WWOX: variants seen among roughly 807,000 people sequenced by gnomAD.
The protein encoded by WWOX is WW domain containing oxidoreductase, also known as WW domain-containing oxidoreductase.
WWOX carries 69 observed loss-of-function variants against 46.2 expected under a neutral mutation model. The observed-to-expected ratio is 1.49, with a 90% CI of 1.23 to 1.82. The LOEUF is 1.82. Among genes scored for constraint, WWOX ranks in the 40% most tolerant of loss-of-function variants. The pLI, the probability that WWOX is intolerant of heterozygous loss-of-function variation, is 0.00. For missense variants in WWOX, 919 were observed against 542.6 expected (o/e 1.69, Z -6.89); for synonymous variants, 359 against 202.6 (o/e 1.77, Z -6.56).
intron 8 of WWOX, among the ~76,000 whole-genome samples, chr16:78,838,679 T>C (rs1425056200): frequency 1.3e-5 from 2 of 151,994 alleles, no homozygotes; most frequent in African/African-American, 4.8e-5. Context: ...CCATCTCTAC[T>C]AAAAATACAA....
chr16:78,403,611 C>G (rs2082461803), intron 6 of WWOX, among the ~76,000 whole-genome samples: 1 of 151,868 alleles, frequency 6.6e-6, no homozygotes. Context: ...TTCAGGAGGC[C>G]CAGGTATTAT....
chr16:78,649,772 C>T (rs923239263), intron 8 of WWOX, among the ~76,000 whole-genome samples: 1 of 152,184 alleles, frequency 6.6e-6, no homozygotes, highest in Non-Finnish European at 1.5e-5. Flanking sequence ...TCTCATTTAA[C>T]CCTTAGGAAA....
intron 8 of WWOX, among the ~76,000 whole-genome samples, chr16:78,713,971 C>A (rs188839186): frequency 6.6e-6 from 1 of 152,008 alleles, no homozygotes; most frequent in Non-Finnish European, 1.5e-5. Context: ...CAATTGGCTA[C>A]GAGGGCTTGT....
intron 8 of WWOX, among the ~76,000 whole-genome samples, chr16:78,621,724 C>T (rs1038608472): frequency 2.0e-5 from 3 of 149,498 alleles, no homozygotes; most frequent in South Asian, 2.1e-4. Flanking sequence ...CCTGCCTCAG[C>T]CTGCGGAGTA....
intron 8 of WWOX, among the ~76,000 whole-genome samples, chr16:78,671,539 C>A (rs1324302292): frequency 1.3e-5 from 2 of 152,168 alleles, no homozygotes; most frequent in South Asian, 2.1e-4. Flanking sequence ...AGTACAACAA[C>A]CCTGCCCCTT....
At chr16:78,724,778 T>C (rs1036811516) in intron 8 of WWOX, among the ~76,000 whole-genome samples, 4 of 152,072 alleles carry the variant, frequency 2.6e-5, no homozygotes, top group Admixed American at 2.6e-4. Flanking sequence ...TGGGGAGCAG[T>C]GATTTGATGA....
At chr16:78,892,504 C>T (rs1011475171) in intron 8 of WWOX, among the ~76,000 whole-genome samples, 2 of 152,172 alleles carry the variant, frequency 1.3e-5, no homozygotes, top group African/African-American at 2.4e-5. Context: ...CCCCGCTGTC[C>T]AGAACACATG....
intron 8 of WWOX, among the ~76,000 whole-genome samples, chr16:79,033,295 C>T (rs948185799): frequency 2.1e-4 from 31 of 147,618 alleles, no homozygotes; most frequent in African/African-American, 6.7e-4. Flanking sequence ...TATATATACA[C>T]ACATATGTAT....
At chr16:78,540,466 C>T (rs750853780) in intron 8 of WWOX, among the ~76,000 whole-genome samples, 5 of 152,090 alleles carry the variant, frequency 3.3e-5, no homozygotes, top group Admixed American at 1.3e-4. Context: ...TACTAGTACT[C>T]AGGAAATCAT....
At chr16:78,921,271 G>A (rs1474807721) in intron 8 of WWOX, among the ~76,000 whole-genome samples, 2 of 152,078 alleles carry the variant, frequency 1.3e-5, no homozygotes, top group African/African-American at 4.8e-5. Context: ...ATACAGCTAC[G>A]TCAAAATGCC....
rs190934990 is a variant in WWOX at position 78,825,291 on chromosome 16, G to A, written c.1057-386317G>A. ...GTGTGCAGCAGCATGATGGCCGCGCGAATTTCCAAGAAGAGGATGTTGGTC... is the reference window on the plus strand; with the variant it reads ...GTGTGCAGCAGCATGATGGCCGCGCAAATTTCCAAGAAGAGGATGTTGGTC... On this transcript the variant is annotated intron_variant, in intron 8 of 8. Coordinates refer to ENST00000566780, the MANE Select transcript of WWOX (RefSeq NM_016373.4). The A allele has an allele frequency of 1.5e-4, 43 of 286,144 alleles. No individual in the cohort carries two copies. The East Asian group carries it at 3.1e-3, about 21-fold the overall frequency. The allele number at this position is 286,144 out of a possible 1,614,324, so 17.7% of individuals were successfully genotyped here.
chr16:79,088,483 C>T (rs773050323), intron 8 of WWOX, among the ~76,000 whole-genome samples: 6 of 152,290 alleles, frequency 3.9e-5, no homozygotes, highest in East Asian at 3.9e-4. Context: ...GATAACCTCA[C>T]AGTCATCAGC....
chr16:79,121,283 C>T (rs2049625847), intron 8 of WWOX, among the ~76,000 whole-genome samples: 1 of 152,210 alleles, frequency 6.6e-6, no homozygotes, highest in African/African-American at 2.4e-5. Context: ...TTGCTAATTA[C>T]ATGAGTACAG....
intron 8 of WWOX, among the ~76,000 whole-genome samples, chr16:78,615,603 C>T (rs1246462669): frequency 1.3e-5 from 2 of 151,948 alleles, no homozygotes; most frequent in African/African-American, 4.8e-5. Context: ...GTTGCTGCAG[C>T]TATGTTCGCA....
chr16:78,589,181 T>C (rs2045293712), intron 8 of WWOX, among the ~76,000 whole-genome samples: 1 of 152,156 alleles, frequency 6.6e-6, no homozygotes, highest in Non-Finnish European at 1.5e-5. Flanking sequence ...ATATGGAGTG[T>C]TGTTTGTTAT....
chr16:78,885,616 C>G (rs770066222), intron 8 of WWOX, among the ~76,000 whole-genome samples: 1 of 152,148 alleles, frequency 6.6e-6, no homozygotes, highest in Non-Finnish European at 1.5e-5. Flanking sequence ...GAGCCTCAGT[C>G]TCTGATTTAT....
intron 8 of WWOX, among the ~76,000 whole-genome samples, chr16:78,759,789 T>G (rs538967670): frequency 2.0e-5 from 3 of 152,254 alleles, no homozygotes; most frequent in South Asian, 2.1e-4. Flanking sequence ...GTTCTGAAGG[T>G]TTCGCTCCAG....
chr16:78,658,319 T>C (rs1819701821), intron 8 of WWOX, among the ~76,000 whole-genome samples: 1 of 152,192 alleles, frequency 6.6e-6, no homozygotes, highest in South Asian at 2.1e-4. Flanking sequence ...TAATATAAAC[T>C]ACTACTTTAC....
At chr16:78,384,225 G>T (rs1017285778) in intron 5 of WWOX, among the ~76,000 whole-genome samples, 2 of 152,244 alleles carry the variant, frequency 1.3e-5, no homozygotes, top group Middle Eastern at 3.4e-3. Flanking sequence ...ATAATGAATG[G>T]CTGCCTTTCC....
Sources: allele counts gnomAD v4.1 joint callset (sites outside exome capture counted in the v4.1 genomes callset), GRCh38; gene constraint gnomAD v4.1.1; transcripts MANE v1.5; gene names NCBI Gene and HGNC (gene_info 2026-07-23, HGNC 2026-07-21).